TTLL5: variants seen among roughly 807,000 people sequenced by gnomAD.
TTLL5 encodes tubulin polyglutamylase TTLL5.
TTLL5 carries 132 observed loss-of-function variants against 168.4 expected under a neutral mutation model. That is an observed-to-expected ratio of 0.78 (90% CI 0.68 to 0.91). TTLL5 has a LOEUF of 0.91. TTLL5 is among the 40% of genes least tolerant of loss of function. TTLL5 has a pLI of 0.00. For synonymous variants in TTLL5, 546 were observed against 558.6 expected, an observed-to-expected ratio of 0.98 and a Z score of 0.32; for missense variants, 1,545 against 1,581.5, an observed-to-expected ratio of 0.98 and a Z score of 0.39.
chr14:75,775,478 T>G lies in TTLL5; in HGVS notation c.2137-6T>G, dbSNP rs775381240. 1 of 1,613,414 alleles carries G rather than the reference T, an allele frequency of 6.2e-7. No individual in the cohort carries two copies. The highest frequency in any genetic ancestry group is 1.3e-5 in the African/African-American group (1 of 74,826). On this transcript the variant is annotated splice_region_variant and splice_polypyrimidine_tract_variant and intron_variant, in intron 21 of 31. Transcript: ENST00000298832. ...TTTTTTTCTCCCACGACTCTTTAAT[T>G]TATAGGAGCTGGTTGTTCGTTTCCT... is the stretch of plus-strand genomic sequence containing the variant.
intron 27 of TTLL5, among the ~76,000 whole-genome samples, chr14:75,819,556 C>A (rs1268085841): frequency 6.6e-6 from 1 of 152,120 alleles, no homozygotes; most frequent in Non-Finnish European, 1.5e-5. Flanking sequence ...TATTTTTCTC[C>A]TAACCGTCTT....
Position 75,763,255 on chromosome 14 carries a change from C to CTCTGTGTGTG in TTLL5, c.1551-1359_1551-1358insCTGTGTGTGT, listed in dbSNP as rs1461607432. On this transcript the variant is annotated intron_variant, in intron 18 of 31. Coordinates refer to ENST00000298832, the MANE Select transcript of TTLL5 (RefSeq NM_015072.5). ...AAAGTTTATTTCTATAGCTCTCTCTCTGTGTGTGTGTGTGTGTGTGTGTGT... is the reference window on the plus strand; with the variant it reads ...AAAGTTTATTTCTATAGCTCTCTCTCTCTGTGTGTGTGTGTGTGTGTGTGTGTGTGTGTGT... 6.0e-3 allele frequency among the ~76,000 whole-genome samples: 349 copies of CTCTGTGTGTG among 58,590 alleles called. 12 individuals are homozygous for CTCTGTGTGTG. The Admixed American group carries it at 0.064, about 11-fold the overall frequency. 38.4% of individuals were successfully genotyped at this position (58,590 alleles called of 152,430 possible). A position where few individuals can be genotyped will look rare whatever the true frequency, so the allele number is the denominator to read the frequency against.
At chr14:75,699,715 CTCCT>C (rs1012614978) in intron 7 of TTLL5, among the ~76,000 whole-genome samples, 1 of 152,268 alleles carries the variant, frequency 6.6e-6, no homozygotes, top group African/African-American at 2.4e-5. Flanking sequence ...CTCCTTTCTC[CTCCT>C]TCCTTCCTCT....
intron 22 of TTLL5, 182 bp from the exon 23 acceptor site, chr14:75,776,565 A>G (rs965550089): frequency 6.2e-6 from 3 of 482,500 alleles, no homozygotes; most frequent in African/African-American, 5.9e-5. Flanking sequence ...AAAATGTTTT[A>G]CAAAATCATG....
At chr14:75,752,989 G>C (rs1366484950) in intron 18 of TTLL5, 34 bp downstream of exon 18, 2 of 1,579,862 alleles carry the variant, frequency 1.3e-6, no homozygotes, top group Non-Finnish European at 1.7e-6. Context: ...TTTAGGACTA[G>C]ATCACAAGAT....
chr14:75,689,690 C>T (rs1766949770), intron 5 of TTLL5: 1 of 158,192 alleles, frequency 6.3e-6, no homozygotes, highest in Non-Finnish European at 1.4e-5. Context: ...AACAATGATA[C>T]ATTTCAAATG....
In TTLL5 at chr14:75,863,926, A is replaced by AAAAAG. The variant is rs1555352365; in HGVS notation, c.3522+68_3522+69insGAAAA. On this transcript the variant is annotated intron_variant, in intron 29 of 31. Coordinates refer to ENST00000298832, the MANE Select transcript of TTLL5 (RefSeq NM_015072.5). ...CTGCTGTTGGTAAAAAAAAAAAAAA[A>AAAAAG]AAAAAAAAGGTCAGTGAATGAGAAA... The AAAAAG allele has an allele frequency of 5.0e-4, 629 of 1,257,118 alleles. 5 individuals carry two copies. Among genetic ancestry groups the AAAAAG allele is most frequent in the East Asian group, 2.7e-3 (84 of 31,694 alleles). The allele number at this position is 1,257,118 out of a possible 1,614,324, so 77.9% of individuals were successfully genotyped here.
intron 17 of TTLL5, among the ~76,000 whole-genome samples, chr14:75,752,091 A>G (rs1439171974): frequency 6.6e-6 from 1 of 152,124 alleles, no homozygotes; most frequent in Non-Finnish European, 1.5e-5. Flanking sequence ...TCTCACTGCC[A>G]TCTTGGTTTT....
At chr14:75,824,004 A>G (rs1894979483) in intron 28 of TTLL5, among the ~76,000 whole-genome samples, 1 of 152,194 alleles carries the variant, frequency 6.6e-6, no homozygotes, top group African/African-American at 2.4e-5. Flanking sequence ...CTTTTAGATT[A>G]TTCTTAGAAA....
chr14:75,872,340 A>G (rs1402199512), intron 29 of TTLL5, among the ~76,000 whole-genome samples: 2 of 152,244 alleles, frequency 1.3e-5, no homozygotes, highest in African/African-American at 2.4e-5. Flanking sequence ...ATATGATTTA[A>G]ATAAATTTGC....
intron 29 of TTLL5, among the ~76,000 whole-genome samples, chr14:75,871,090 C>T (rs889566359): frequency 1.5e-4 from 23 of 152,126 alleles, no homozygotes; most frequent in Admixed American, 7.9e-4. Flanking sequence ...CCACCACGCC[C>T]GGCCTATGCT....
At chr14:75,674,447 G>T (rs1437004685) in intron 3 of TTLL5, among the ~76,000 whole-genome samples, 1 of 152,106 alleles carries the variant, frequency 6.6e-6, no homozygotes, top group Non-Finnish European at 1.5e-5. Flanking sequence ...ACCTTCTGTT[G>T]ATCTCATCGT....
chr14:75,676,390 G>A (rs568795170), intron 3 of TTLL5, among the ~76,000 whole-genome samples: 2 of 152,152 alleles, frequency 1.3e-5, no homozygotes, highest in Non-Finnish European at 2.9e-5. Context: ...TTATTTTGAA[G>A]CATCGTGAGT....
chr14:75,673,604 G>A (rs1310889816), intron 3 of TTLL5, among the ~76,000 whole-genome samples: 1 of 152,164 alleles, frequency 6.6e-6, no homozygotes, highest in Admixed American at 6.5e-5. Flanking sequence ...TTAGTAAAAT[G>A]GAGAGAATAT....
intron 28 of TTLL5, among the ~76,000 whole-genome samples, chr14:75,842,703 A>T (rs1024046980): frequency 5.9e-5 from 9 of 152,216 alleles, no homozygotes; most frequent in Admixed American, 3.9e-4. Context: ...AAAAAGTAGA[A>T]AATGGGTGGG....
At chr14:75,783,561 T>C (rs1324433183) in intron 26 of TTLL5, 31 bp downstream of exon 26, 6 of 1,599,340 alleles carry the variant, frequency 3.8e-6, no homozygotes, top group Admixed American at 1.7e-5. Flanking sequence ...CAGTCCACAA[T>C]GTGAGCTCCT....
In TTLL5 at chr14:75,792,229, G is replaced by C. The variant is rs540736692; in HGVS notation, c.2987-687G>C. Among the ~76,000 whole-genome samples, 714 of 120,270 alleles carry C rather than the reference G, an allele frequency of 5.9e-3. 2 individuals carry two copies. Among genetic ancestry groups the C allele is most frequent in the Non-Finnish European group, 8.4e-3 (508 of 60,296 alleles). The allele number at this position is 120,270 out of a possible 152,430, so 78.9% of individuals were successfully genotyped here. Reference sequence around the variant, plus strand: ...CACACACTGGGGCCTATCATGGGGTGGGGGGAGGGGGGAGGGATAGCATTA... The same window carrying C: ...CACACACTGGGGCCTATCATGGGGTCGGGGGAGGGGGGAGGGATAGCATTA... On this transcript the variant is annotated intron_variant, in intron 26 of 31. Coordinates refer to ENST00000298832, the MANE Select transcript of TTLL5 (RefSeq NM_015072.5).
At chr14:75,784,050 TA>T (rs1466625049) in intron 26 of TTLL5, among the ~76,000 whole-genome samples, 1 of 152,228 alleles carries the variant, frequency 6.6e-6, no homozygotes, top group African/African-American at 2.4e-5. Flanking sequence ...TTCACCCTTT[TA>T]AAATGTACAA....
At chr14:75,784,616 G>A (rs945724256) in intron 26 of TTLL5, among the ~76,000 whole-genome samples, 2 of 152,220 alleles carry the variant, frequency 1.3e-5, no homozygotes, top group African/African-American at 2.4e-5. Flanking sequence ...GAGTGGAATT[G>A]TTGGTTCATA....
Sources: gnomAD v4.1 joint callset for allele counts (sites outside exome capture counted in the v4.1 genomes callset) on GRCh38, gnomAD v4.1.1 for gene constraint, MANE v1.5 for transcripts, NCBI Gene and HGNC (gene_info 2026-07-23, HGNC 2026-07-21) for gene names.